The following PNCK variants were observed in gnomAD, a reference collection of about 807,000 sequenced individuals.
PNCK encodes the protein pregnancy up-regulated nonubiquitous CaM kinase.
Under a neutral mutation model 28.3 loss-of-function variants are expected in PNCK, and 21 were observed. The ratio of observed to expected loss-of-function variants is 0.74; its 90% CI spans 0.53 to 1.07. The LOEUF (loss-of-function observed/expected upper bound fraction) is 1.07, where lower values mean the gene tolerates loss of function less well. Ranked by LOEUF, PNCK falls within the 50% of genes least tolerant of loss-of-function variation. The pLI, the probability that PNCK is intolerant of heterozygous loss-of-function variation, is 0.00. For synonymous variants in PNCK, 136 were observed against 125.2 expected (o/e 1.09, Z -0.58); for missense variants, 250 against 298.3 (o/e 0.84, Z 1.19).
intron 1 of PNCK, among the ~76,000 whole-genome samples, chrX:153,684,647 G>A (rs1371590168): frequency 2.7e-5 from 3 of 110,807 alleles, no homozygotes; most frequent in Non-Finnish European, 5.7e-5. Flanking sequence ...AAGAGGAGGC[G>A]CCCCCATCCT....
intron 1 of PNCK, among the ~76,000 whole-genome samples, chrX:153,683,440 C>T (rs1336951987): frequency 2.1e-5 from 2 of 94,657 alleles, no homozygotes; most frequent in Non-Finnish European, 4.0e-5. Context: ...GTGCCCAGCC[C>T]TGAAGGCTAG....
At chrX:153,672,303 C>T in intron 3 of PNCK, 103 bp from the exon 4 acceptor site, 1 of 925,986 alleles carries the variant, frequency 1.1e-6, no homozygotes, top group African/African-American at 2.0e-5. Context: ...CCCACCTCTG[C>T]TCCCCATTCC....
At chrX:153,686,226 G>A (rs58854349) in intron 1 of PNCK, among the ~76,000 whole-genome samples, 1,371 of 111,894 alleles carry the variant, frequency 0.012, 27 homozygotes, top group African/African-American at 0.043. Flanking sequence ...CCCTGGCCTC[G>A]GAACCCACCG....
At chrX:153,673,371 C>T in intron 1 of PNCK, 1 of 1,015,573 alleles carries the variant, frequency 9.8e-7, no homozygotes, top group Non-Finnish European at 1.3e-6. Context: ...GGCCGCTTTC[C>T]AGAAGGCTCC....
chrX:153,679,008 G>A (rs1396108366), upstream of PNCK, among the ~76,000 whole-genome samples: 2 of 111,041 alleles, frequency 1.8e-5, no homozygotes, highest in African/African-American at 6.6e-5. Flanking sequence ...GTATTCCATT[G>A]TCCAGATATA....
chrX:153,672,902 CAT>C (rs1356285870), intron 2 of PNCK, 105 bp downstream of exon 2: 18 of 967,903 alleles, frequency 1.9e-5, no homozygotes, highest in Non-Finnish European at 2.5e-5. Context: ...CACACACACA[CAT>C]CATCTCACAC....
intron 1 of PNCK, among the ~76,000 whole-genome samples, chrX:153,685,080 A>C (rs2091412892): frequency 9.6e-6 from 1 of 103,634 alleles, no homozygotes; most frequent in South Asian, 4.7e-4. Flanking sequence ...CATGCTCGGA[A>C]CCCCCCTTCA....
chrX:153,669,963 T>C lies in PNCK; in HGVS notation c.*175A>G. On this transcript the variant is annotated 3_prime_UTR_variant, in exon 12 of 12. Transcript: ENST00000340888. ...CACTGCCCCCAGGCAGGGCAGAGCC[T>C]GGGGACAGACTTGGGGGTGCCCCAT... 1 of 328,385 alleles carries C rather than the reference T, an allele frequency of 3.0e-6. No individual in the cohort carries two copies. The highest frequency in any genetic ancestry group is 6.1e-6 in the Non-Finnish European group (1 of 164,086). 27.1% of individuals were successfully genotyped at this position (328,385 alleles called of 1,213,427 possible). A position where few individuals can be genotyped will look rare whatever the true frequency, so the allele number is the denominator to read the frequency against.
At chrX:153,682,999 C>T (rs113594931) in intron 1 of PNCK, among the ~76,000 whole-genome samples, 100 of 112,477 alleles carry the variant, frequency 8.9e-4, no homozygotes, top group African/African-American at 3.1e-3. Flanking sequence ...AATCTGCCCA[C>T]CTGGTCCTCC....
At position 153,671,600 on chromosome X, in the gene PNCK, T is replaced by A; in HGVS notation, c.487A>T (p.Ile163Phe). The change falls in exon 6 of 12, where the codon ATC becomes TTC. Residue 163 changes from isoleucine (I) to phenylalanine (F), a missense_variant. Transcript: ENST00000340888. ...GTGCCTAGCATGTTCCCAGCCTGGA[T>A]TTTGGAGAGTCCAAAGTCAGAGACC... Reference protein sequence around the residue: ...IMVSDFGLSKIQAGNMLGTAC... With the variant: ...IMVSDFGLSKFQAGNMLGTAC... The A allele has an allele frequency of 8.3e-7, 1 of 1,210,728 alleles. No homozygotes were observed. The highest frequency in any genetic ancestry group is 1.1e-6 in the Non-Finnish European group (1 of 894,942).
At chrX:153,670,358 C>T in intron 11 of PNCK, 92 bp downstream of exon 11, 1 of 1,140,691 alleles carries the variant, frequency 8.8e-7, no homozygotes, top group Non-Finnish European at 1.2e-6. Flanking sequence ...GTGGGGGCCA[C>T]CCCACTTAGC....
rs200762381 is a variant in PNCK, at chrX:153,671,860, C to T, written c.414+20G>A. On this transcript the variant is annotated intron_variant, in intron 5 of 11. Transcript: ENST00000340888. ...GGTGGGCAGGTGGGAGGGTGGGGTGCAGAGGCCCCAGCCAGGCACCTTGAG... is the reference window on the plus strand; with the variant it reads ...GGTGGGCAGGTGGGAGGGTGGGGTGTAGAGGCCCCAGCCAGGCACCTTGAG... The T allele has an allele frequency of 8.3e-6, 10 of 1,202,136 alleles. No individual in the cohort carries two copies. The Admixed American group carries it at 1.3e-4, about 16-fold the overall frequency.
At chrX:153,682,438 C>T (rs2148352143) in intron 1 of PNCK, among the ~76,000 whole-genome samples, 1 of 111,450 alleles carries the variant, frequency 9.0e-6, no homozygotes, top group South Asian at 3.7e-4. Context: ...TGTCACCGCC[C>T]CAGCTAATTT....
At chrX:153,675,987 C>CTTT (rs59527995), upstream of PNCK, among the ~76,000 whole-genome samples, 4 of 79,973 alleles carry the variant, frequency 5.0e-5, no homozygotes, top group Admixed American at 1.3e-4. Context: ...TTTTTCTTTT[C>CTTT]TTTTTTTTTT....
At chrX:153,686,706 C>A (rs1402665748) in intron 1 of PNCK, 1 of 111,894 alleles carries the variant, frequency 8.9e-6, no homozygotes, top group Non-Finnish European at 1.9e-5. Flanking sequence ...TTCTGATGAG[C>A]AGTGTGACCT....
At position 153,670,584 on chromosome X, in the gene PNCK, T is replaced by C. The variant is rs1557039361; in HGVS notation, c.905A>G (p.Asn302Ser). The C allele has an allele frequency of 2.5e-6, 3 of 1,210,307 alleles. No homozygotes were observed. The highest frequency in any genetic ancestry group is 3.5e-5 in the South Asian group (2 of 56,787). Residue 302 changes from asparagine to serine, a missense_variant, in exon 11 of 12, where the codon AAT becomes AGT. Asn to Ser is a conservative substitution (Grantham distance 46). Transcript: ENST00000340888. The stretch of plus-strand genomic sequence containing the variant: ...GATGTGGCGCAGGAACGAGGTGGCA[T>C]TGAAGGCTCGCTGCCAGAAGAGAGG... Reference protein sequence around the residue: ...FARTHWKRAFNATSFLRHIRK... With the variant: ...FARTHWKRAFSATSFLRHIRK...
At chrX:153,680,200 T>C (rs2091389131) in intron 1 of PNCK, among the ~76,000 whole-genome samples, 1 of 109,623 alleles carries the variant, frequency 9.1e-6, no homozygotes, top group Admixed American at 9.9e-5. Flanking sequence ...CCAAATCTCA[T>C]GTTGAACTAT....
upstream of PNCK, chrX:153,673,870 G>A: frequency 1.2e-6 from 1 of 810,255 alleles, no homozygotes; most frequent in Non-Finnish European, 1.5e-6. Context: ...CTCCGCGCAC[G>A]CCCCCGCCAG....
At chrX:153,672,954 T>TAC (rs10542443) in intron 2 of PNCK, 55 bp downstream of exon 2, 30,686 of 1,038,902 alleles carry the variant, frequency 0.03, 127 homozygotes, top group African/African-American at 0.081. Flanking sequence ...CTCACACAGG[T>TAC]ACACACACAC....
Sources: allele counts gnomAD v4.1 joint callset (sites outside exome capture counted in the v4.1 genomes callset), GRCh38; gene constraint gnomAD v4.1.1; transcripts MANE v1.5; gene names NCBI Gene and HGNC (gene_info 2026-07-23, HGNC 2026-07-21).